The following LIPK variants were observed in gnomAD, a reference collection of about 807,000 sequenced individuals.
LIPK encodes the protein lipase family member K, also known as lipase member K.
A neutral mutation model predicts 48.6 loss-of-function variants in LIPK; 32 were observed. The observed-to-expected ratio is 0.66, with a 90% CI of 0.50 to 0.88. The LOEUF (loss-of-function observed/expected upper bound fraction) is 0.88. Among genes scored for constraint, LIPK ranks in the 40% least tolerant of loss-of-function variants. LIPK has a pLI of 0.00. For synonymous variants in LIPK, 164 were observed against 157.4 expected (o/e 1.04, Z -0.32); for missense variants, 507 against 478.5 (o/e 1.06, Z -0.56).
At chr10:88,750,106 A>G (rs1285164737) in intron 9 of LIPK, among the ~76,000 whole-genome samples, 1 of 152,220 alleles carries the variant, frequency 6.6e-6, no homozygotes, top group Non-Finnish European at 1.5e-5. Context: ...CCATGATGAG[A>G]TAGCATCTCA....
intron 9 of LIPK, among the ~76,000 whole-genome samples, chr10:88,744,932 A>C (rs1224309786): frequency 6.6e-6 from 1 of 152,242 alleles, no homozygotes; most frequent in Admixed American, 6.5e-5. Flanking sequence ...TTAAGAAATA[A>C]CCAAATTGAT....
chr10:88,728,510 A>G, intron 3 of LIPK: 1 of 271,622 alleles, frequency 3.7e-6, no homozygotes. Flanking sequence ...GCCATTAAGG[A>G]CTCAACGCTG....
chr10:88,750,146 T>C (rs540491332), intron 9 of LIPK, among the ~76,000 whole-genome samples: 1 of 152,166 alleles, frequency 6.6e-6, no homozygotes, highest in African/African-American at 2.4e-5. Context: ...TATTTAAAAG[T>C]CAAAAAATAA....
intron 8 of LIPK, among the ~76,000 whole-genome samples, chr10:88,742,574 C>A (rs1453926376): frequency 1.3e-5 from 2 of 152,236 alleles, no homozygotes; most frequent in Admixed American, 6.5e-5. Flanking sequence ...ATATGCATGA[C>A]CTTATATTCT....
intron 6 of LIPK, among the ~76,000 whole-genome samples, chr10:88,733,310 A>G (rs1187218085): frequency 2.6e-5 from 4 of 152,146 alleles, no homozygotes; most frequent in African/African-American, 9.7e-5. Flanking sequence ...ATTGCATTGC[A>G]TGGGTTGGTG....
At chr10:88,750,120 C>T (rs928039148) in intron 9 of LIPK, among the ~76,000 whole-genome samples, 2 of 152,072 alleles carry the variant, frequency 1.3e-5, no homozygotes, top group Non-Finnish European at 2.9e-5. Context: ...CATCTCACAC[C>T]AGTCAGAATG....
At chr10:88,732,619 A>G in intron 6 of LIPK, 68 bp downstream of exon 6, 3 of 1,449,310 alleles carry the variant, frequency 2.1e-6, no homozygotes, top group Non-Finnish European at 2.8e-6. Context: ...ATTTCAACAG[A>G]AGACCAATGA....
intron 1 of LIPK, among the ~76,000 whole-genome samples, chr10:88,715,194 T>C (rs1488702506): frequency 6.6e-6 from 1 of 152,142 alleles, no homozygotes; most frequent in African/African-American, 2.4e-5. Flanking sequence ...TTCTATATTA[T>C]TTCTGTCTAA....
intron 1 of LIPK, among the ~76,000 whole-genome samples, chr10:88,722,770 T>C (rs1184392392): frequency 6.6e-6 from 1 of 152,182 alleles, no homozygotes; most frequent in African/African-American, 2.4e-5. Flanking sequence ...TCTGCCTCCA[T>C]GACCATCTGT....
At chr10:88,730,480 T>C (rs1214397552) in intron 3 of LIPK, among the ~76,000 whole-genome samples, 5 of 151,988 alleles carry the variant, frequency 3.3e-5, no homozygotes, top group Non-Finnish European at 1.5e-5. Flanking sequence ...TTAGTAGAGA[T>C]GGGGTTTCAC....
chr10:88,731,209 A>G (rs1251344720), intron 4 of LIPK, 28 bp downstream of exon 4: 4 of 1,469,376 alleles, frequency 2.7e-6, no homozygotes, highest in Non-Finnish European at 2.7e-6. Flanking sequence ...AATGAATAAA[A>G]TGTGTACTTT....
intron 9 of LIPK, among the ~76,000 whole-genome samples, chr10:88,749,742 AAGATGCAAAAATTTCATGAT>A (rs1176043497): frequency 6.6e-6 from 1 of 152,200 alleles, no homozygotes; most frequent in Non-Finnish European, 1.5e-5. Context: ...TTTCATGATA[AAGATGCAAAAATTTCATGAT>A]AAAGATGCCA....
chr10:88,711,542 G>A (rs886104740), intron 1 of LIPK, among the ~76,000 whole-genome samples: 4 of 151,972 alleles, frequency 2.6e-5, no homozygotes, highest in Admixed American at 2.0e-4. Flanking sequence ...GCACAATCTC[G>A]GCTCACTGCA....
chr10:88,731,069 T>G lies in LIPK; in HGVS notation c.310T>G (p.Phe104Val). Residue 104 changes from phenylalanine (F) to valine (V), a missense_variant, in exon 4 of 10, where the codon TTC (phenylalanine) becomes GTC (valine). Transcript: ENST00000404190. ...CAACCTGCCCAACAACAGTTTGGCTTTCCTTCTGGCAGATAGTGGTTATGA... is the reference window on the plus strand; with the variant it reads ...CAACCTGCCCAACAACAGTTTGGCTGTCCTTCTGGCAGATAGTGGTTATGA... ...ICNLPNNSLA[F>V]LLADSGYDVW... 5.0e-6 allele frequency: 8 copies of G among 1,604,804 alleles called. No homozygotes were observed. The highest frequency in any genetic ancestry group is 6.8e-6 in the Non-Finnish European group (8 of 1,175,406).
chr10:88,730,537 G>C (rs1402260703), intron 3 of LIPK, among the ~76,000 whole-genome samples: 1 of 152,072 alleles, frequency 6.6e-6, no homozygotes, highest in African/African-American at 2.4e-5. Flanking sequence ...TGATCTGCCC[G>C]CCTCAGCTCC....
Position 88,732,249 on chromosome 10 carries a change from G to A in LIPK, c.494G>A (p.Arg165Gln), listed in dbSNP as rs200105124. The A allele has an allele frequency of 1.5e-5, 24 of 1,613,834 alleles. No homozygotes were observed. The highest frequency in any genetic ancestry group is 4.5e-5 in the East Asian group (2 of 44,876). Residue 165 changes from arginine to glutamine, a missense_variant, in exon 5 of 10, where the codon CGA becomes CAA. Physicochemically the swap from Arg to Gln is conservative, Grantham distance 43 (BLOSUM62 1). Coordinates refer to ENST00000404190, the MANE Select transcript of LIPK (RefSeq NM_001080518.2). ...ATCATAGAGAAAACTGGACAGAAGC[G>A]ACTCTACTACGTGGGCCACTCACAA... Reference protein sequence around the residue: ...NFIIEKTGQKRLYYVGHSQGT... With the variant: ...NFIIEKTGQKQLYYVGHSQGT...
intron 8 of LIPK, among the ~76,000 whole-genome samples, chr10:88,741,292 A>G (rs942878607): frequency 5.3e-5 from 8 of 152,204 alleles, no homozygotes; most frequent in Non-Finnish European, 1.0e-4. Flanking sequence ...TGGTAGAATC[A>G]TGGCTCACTG....
chr10:88,707,735 A>G (rs568493564), intron 1 of LIPK, among the ~76,000 whole-genome samples: 7 of 152,214 alleles, frequency 4.6e-5, no homozygotes, highest in African/African-American at 1.7e-4. Context: ...AATTTTTAGG[A>G]CTGGATATCC....
At chr10:88,740,103 T>C (rs1168489689) in intron 8 of LIPK, 36 bp downstream of exon 8, 2 of 1,532,810 alleles carry the variant, frequency 1.3e-6, no homozygotes, top group Non-Finnish European at 1.8e-6. Context: ...TGCACACATA[T>C]CTCTGCAAGA....
Sources: gnomAD v4.1 joint callset for allele counts (sites outside exome capture counted in the v4.1 genomes callset) on GRCh38, gnomAD v4.1.1 for gene constraint, MANE v1.5 for transcripts, NCBI Gene and HGNC (gene_info 2026-07-23, HGNC 2026-07-21) for gene names.